ARHGAP45: variants seen among roughly 807,000 people sequenced by gnomAD.
ARHGAP45 encodes the protein Rho GTPase activating protein 45.
In ARHGAP45, 56 loss-of-function variants were observed where a neutral mutation model predicts 116.1. That is an observed-to-expected ratio of 0.48 (90% CI 0.39 to 0.60). The LOEUF (loss-of-function observed/expected upper bound fraction) is 0.60, where lower values mean the gene tolerates loss of function less well. Ranked by LOEUF, ARHGAP45 falls within the 20% of genes least tolerant of loss-of-function variation. ARHGAP45 has a pLI of 0.00. For missense variants in ARHGAP45, 1,622 were observed against 1,601.0 expected, an observed-to-expected ratio of 1.01 and a Z score of -0.22; for synonymous variants, 866 against 701.7, an observed-to-expected ratio of 1.23 and a Z score of -3.70.
Position 1,081,713 on chromosome 19 carries a change from TC to T in ARHGAP45, c.2355del (p.Ile785MetfsTer17), listed in dbSNP as rs2043440985. 6.3e-7 allele frequency: 1 copy of T among 1,585,796 alleles called. No homozygotes were observed. The highest frequency in any genetic ancestry group is 1.3e-5 in the African/African-American group (1 of 74,294). Reference sequence around the variant, plus strand: ...ATCGTCAAGAAGTGCGTCTGCGAGATCGAGCGGCGGGCGCTGCGCACCAAGG... The same window carrying T: ...ATCGTCAAGAAGTGCGTCTGCGAGATGAGCGGCGGGCGCTGCGCACCAAGG... ...PFIVKKCVCEIERRALRTKGI... is the reference protein window; with the variant it reads ...PFIVKKCVCEXERRALRTKGI... On this transcript the variant is annotated frameshift_variant, in exon 18 of 23. Coordinates refer to ENST00000313093, the MANE Select transcript of ARHGAP45 (RefSeq NM_012292.5). LOFTEE classifies it high-confidence loss of function.
intron 19 of ARHGAP45, chr19:1,082,555 G>A (rs2043471410): frequency 2.1e-6 from 1 of 484,706 alleles, no homozygotes; most frequent in African/African-American, 2.0e-5. Flanking sequence ...GTTGGGAAGG[G>A]GTCAGACTAT....
At chr19:1,083,971 C>T (rs1024252122) in intron 21 of ARHGAP45, among the ~76,000 whole-genome samples, 1 of 152,168 alleles carries the variant, frequency 6.6e-6, no homozygotes, top group Admixed American at 6.5e-5. Context: ...GAACTGCTGA[C>T]CTCAAGTGAT....
chr19:1,071,784 G>C lies in ARHGAP45; in HGVS notation c.422-1365G>C, dbSNP rs1410884666. 6.6e-6 allele frequency: 1 copy of C among 152,264 alleles called. No homozygotes were observed. 9.4% of individuals were successfully genotyped at this position (152,264 alleles called of 1,614,324 possible). ...GTGACTCGGTCGGTCTCTTCCCGGA[G>C]GTGACATTCACCTGGGGTCTTCGGT... On this transcript the variant is annotated intron_variant, in intron 2 of 22. Coordinates refer to ENST00000313093, the MANE Select transcript of ARHGAP45 (RefSeq NM_012292.5). This position sits in a 1 kb window ranked among gnomAD's most constrained non-coding sequence, Gnocchi z 4.6.
Position 1,068,290 on chromosome 19 carries a change from C to G in ARHGAP45, c.91-124C>G. On this transcript the variant is annotated intron_variant, in intron 1 of 22. Transcript: ENST00000313093. This position sits in a 1 kb window ranked among gnomAD's most constrained non-coding sequence, Gnocchi z 7.5. The stretch of plus-strand genomic sequence containing the variant: ...CAAATCTCGGCCCTGTGACCTCTGG[C>G]CTTTGACCCCTGTGGGGTCAGGGTG... 5.0e-6 allele frequency: 4 copies of G among 800,430 alleles called. No homozygotes were observed. Among genetic ancestry groups the G allele is most frequent in the Non-Finnish European group, 7.6e-6 (4 of 523,462 alleles). The allele number at this position is 800,430 out of a possible 1,614,324, so 49.6% of individuals were successfully genotyped here. A position where few individuals can be genotyped will look rare whatever the true frequency, so the allele number is the denominator to read the frequency against.
At position 1,084,331 on chromosome 19, in the gene ARHGAP45, G is replaced by GCGT; in HGVS notation, c.3051_3052insTCG (p.Ala1017_Asp1018insSer). Reference sequence around the variant, plus strand: ...GGTCTACCCGCTGCAGGAGGCGGCGGCGGACGGGTGCAGAGGTGAGTGTGT... The same window carrying GCGT: ...GGTCTACCCGCTGCAGGAGGCGGCGGCGTCGGACGGGTGCAGAGGTGAGTGTGT... On this transcript the variant is annotated inframe_insertion, in exon 22 of 23. Transcript: ENST00000313093. 1 of 1,610,198 alleles carries GCGT rather than the reference G, an allele frequency of 6.2e-7. No homozygotes were observed. Among genetic ancestry groups the GCGT allele is most frequent in the Non-Finnish European group, 8.5e-7 (1 of 1,178,556 alleles).
chr19:1,073,807 C>G, intron 5 of ARHGAP45, 61 bp downstream of exon 5: 2 of 1,542,372 alleles, frequency 1.3e-6, no homozygotes, highest in Non-Finnish European at 1.8e-6. Flanking sequence ...GGGTTCAGGT[C>G]TGCAGGGCCC....
At position 1,081,659 on chromosome 19, in the gene ARHGAP45, C is replaced by T. The variant is rs1290876154; in HGVS notation, c.2300C>T (p.Ala767Val). Residue 767 changes from alanine to valine, a missense_variant, in exon 18 of 23, where the codon GCC becomes GTC. Ala to Val is a moderately conservative substitution (Grantham distance 64). Around this residue, in one of 3 missense-constraint regions of ARHGAP45, gnomAD observed 1,334 missense variants for 1,263.8 expected, o/e 1.06. Transcript: ENST00000313093. ...TTCGGCCAGGACTTCAGCCACGCGGCCCGCAGCGCCCCCGACGGCGTGCCC... is the reference window on the plus strand; with the variant it reads ...TTCGGCCAGGACTTCAGCCACGCGGTCCGCAGCGCCCCCGACGGCGTGCCC... Reference protein sequence around the residue: ...QLFGQDFSHAARSAPDGVPFI... With the variant: ...QLFGQDFSHAVRSAPDGVPFI... 1.1e-5 allele frequency: 18 copies of T among 1,582,706 alleles called. No homozygotes were observed. The highest frequency in any genetic ancestry group is 2.3e-5 in the East Asian group (1 of 43,018).
rs1232237218 is a variant in ARHGAP45, at chr19:1,073,174, G to A, written c.447G>A (p.Arg149=). The part of the protein sequence containing the change: ...RDDLLEARRP[R]AHECLGEALR... ...ACCTCCTTGAGGCCCGCCGCCCGCG[G>A]GCCCACGAGTGCCTGGGTGAGGCTC... is the stretch of plus-strand genomic sequence containing the variant. Residue 149 remains arginine (R), a synonymous_variant, in exon 3 of 23, where the codon CGG becomes CGA. Transcript: ENST00000313093. 4.3e-6 allele frequency: 7 copies of A among 1,610,454 alleles called. No homozygotes were observed. Among genetic ancestry groups the A allele is most frequent in the African/African-American group, 1.3e-5 (1 of 75,028 alleles).
chr19:1,082,606 G>A, intron 19 of ARHGAP45: 2 of 541,270 alleles, frequency 3.7e-6, no homozygotes, highest in South Asian at 2.6e-5. Context: ...CTGCAGGGCG[G>A]GGCGCGCGTG....
At position 1,085,609 on chromosome 19, in the gene ARHGAP45, T is replaced by C. The variant is rs139132266; in HGVS notation, c.3065-51T>C. 5.7e-4 allele frequency: 778 copies of C among 1,357,166 alleles called. 2 individuals carry two copies. Among genetic ancestry groups the C allele is most frequent in the Admixed American group, 1.0e-3 (43 of 42,658 alleles). 84.1% of individuals were successfully genotyped at this position (1,357,166 alleles called of 1,614,324 possible). A position where few individuals can be genotyped will look rare whatever the true frequency, so the allele number is the denominator to read the frequency against. ...TCCTGTCTGTCCCTCCCCTTGTCTC[T>C]CCTCCATCTCTCCTGTCTGTCTCCC... On this transcript the variant is annotated intron_variant, in intron 22 of 22. Coordinates refer to ENST00000313093, the MANE Select transcript of ARHGAP45 (RefSeq NM_012292.5).
chr19:1,067,613 C>T, intron 1 of ARHGAP45, 118 bp downstream of exon 1: 3 of 1,016,422 alleles, frequency 3.0e-6, no homozygotes, highest in Non-Finnish European at 4.5e-6. Context: ...AGCTACAGCC[C>T]CTACCGGGCG....
At position 1,067,382 on chromosome 19, in the gene ARHGAP45, C is replaced by T; in HGVS notation, c.-24C>T. ...CGCTGAGACCCCCAGCCCGCCCCCT[C>T]GGGCTCCCGGCCGGGGCCCCATCAT... On this transcript the variant is annotated 5_prime_UTR_variant, in exon 1 of 23. Coordinates refer to ENST00000313093, the MANE Select transcript of ARHGAP45 (RefSeq NM_012292.5). 2 of 1,541,600 alleles carry T rather than the reference C, an allele frequency of 1.3e-6. No homozygotes were observed. Among genetic ancestry groups the T allele is most frequent in the African/African-American group, 1.4e-5 (1 of 71,598 alleles).
intron 2 of ARHGAP45, among the ~76,000 whole-genome samples, chr19:1,070,405 A>G (rs2043118978): frequency 7.7e-6 from 1 of 129,236 alleles, no homozygotes; most frequent in African/African-American, 3.0e-5. Context: ...ATCTCAGCTC[A>G]CTGCAACCTC....
At chr19:1,070,975 A>C (rs2043128474) in intron 2 of ARHGAP45, among the ~76,000 whole-genome samples, 3 of 152,202 alleles carry the variant, frequency 2.0e-5, no homozygotes, top group Non-Finnish European at 4.4e-5. Context: ...TCCACCCCAC[A>C]GCTTGGGGAC....
chr19:1,071,184 GC>G lies in ARHGAP45; in HGVS notation c.422-1964del. The G allele has an allele frequency of 1.5e-6, 2 of 1,356,568 alleles. No homozygotes were observed. Among genetic ancestry groups the G allele is most frequent in the East Asian group, 3.5e-5 (1 of 28,354 alleles). 84.0% of individuals were successfully genotyped at this position (1,356,568 alleles called of 1,614,324 possible). A position where few individuals can be genotyped will look rare whatever the true frequency, so the allele number is the denominator to read the frequency against. ...CCAGGGCGGGGTTTCCCTCGCGGGG[GC>G]GGGGCCTCCTGACCGGCCGGAGCCG... On this transcript the variant is annotated intron_variant, in intron 2 of 22. Transcript: ENST00000313093. This position sits in a 1 kb window ranked among gnomAD's most constrained non-coding sequence, Gnocchi z 4.6.
chr19:1,084,749 A>G (rs2043551991), intron 22 of ARHGAP45, among the ~76,000 whole-genome samples: 1 of 152,172 alleles, frequency 6.6e-6, no homozygotes, highest in South Asian at 2.1e-4. Flanking sequence ...TGCCGCATCT[A>G]GTTATGGGAC....
rs528751431 is a variant in ARHGAP45 at position 1,074,647 on chromosome 19, G to A, written c.1027G>A (p.Ala343Thr). 24 of 1,608,376 alleles carry A rather than the reference G, an allele frequency of 1.5e-5. No individual in the cohort carries two copies. The Admixed American group carries it at 2.3e-4, about 16-fold the overall frequency. Residue 343 changes from alanine (A) to threonine (T), a missense_variant, in exon 9 of 23, where the codon GCC becomes ACC. By Grantham distance (58) the Ala-to-Thr change is moderately conservative. Coordinates refer to ENST00000313093, the MANE Select transcript of ARHGAP45 (RefSeq NM_012292.5). ...HMPLLSIYSL[A>T]LEQDLEFGHS... is the part of the protein sequence containing the mutation. ...GCCGCTCCTGTCCATCTACTCGCTG[G>A]CCCTGGAGCAGGACCTGGAGTTCGG...
At chr19:1,081,501 C>T (rs901456876) in intron 17 of ARHGAP45, 49 bp from the exon 18 acceptor site, 4 of 1,435,938 alleles carry the variant, frequency 2.8e-6, no homozygotes, top group South Asian at 1.5e-5. Context: ...GGGGGCTGCG[C>T]TGAGCTGGGC....
chr19:1,066,160 C>A (rs902554568), upstream of ARHGAP45: 23 of 1,533,360 alleles, frequency 1.5e-5, no homozygotes, highest in Admixed American at 2.0e-5. Context: ...CCCTCCCACC[C>A]GAGGTAGGTG....
Sources: allele counts gnomAD v4.1 joint callset (sites outside exome capture counted in the v4.1 genomes callset), GRCh38; gene constraint gnomAD v4.1.1; regional missense constraint gnomAD v4.1.1; non-coding constraint Gnocchi (gnomAD v3.1); transcripts MANE v1.5; gene names NCBI Gene and HGNC (gene_info 2026-07-23, HGNC 2026-07-21).